Variants in SLC35B3 observed in about 807,000 individuals in gnomAD.
SLC35B3 encodes solute carrier family 35 member B3.
Under a neutral mutation model 44.1 loss-of-function variants are expected in SLC35B3, and 35 were observed. The ratio of observed to expected loss-of-function variants is 0.79; its 90% confidence interval spans 0.61 to 1.05. The LOEUF is 1.05. Among genes scored for constraint, SLC35B3 ranks in the 50% least tolerant of loss-of-function variants. SLC35B3 has a pLI of 0.00. For missense variants in SLC35B3, 414 were observed against 476.4 expected (o/e 0.87, Z 1.22); for synonymous variants, 146 against 167.3 (o/e 0.87, Z 0.98).
chr6:8,427,850 A>T, intron 4 of SLC35B3, 87 bp downstream of exon 3: 1 of 1,178,324 alleles, frequency 8.5e-7, no homozygotes, highest in East Asian at 2.4e-5. Context: ...TGTTTTGTTA[A>T]TAGAAGTATA....
chr6:8,420,862 G>A lies in SLC35B3; in HGVS notation c.575-34C>T. On this transcript the variant is annotated intron_variant, in intron 5 of 10. Coordinates refer to ENST00000644923, the MANE Select transcript of SLC35B3 (RefSeq NM_001370476.2). The surrounding 1 kb of genome is among the most constrained non-coding windows in gnomAD (Gnocchi z 4.4). ...AACAAACGTAAGTCCACTTCATTATGCAAATACCCACCCAGCTTTATATTT... is the reference window on the plus strand; with the variant it reads ...AACAAACGTAAGTCCACTTCATTATACAAATACCCACCCAGCTTTATATTT... The A allele has an allele frequency of 1.3e-6, 2 of 1,488,222 alleles. No homozygotes were observed. The highest frequency in any genetic ancestry group is 1.2e-5 in the South Asian group (1 of 83,748). 92.2% of individuals were successfully genotyped at this position (1,488,222 alleles called of 1,614,324 possible).
In SLC35B3 at chr6:8,419,821, C is replaced by A. The variant is rs1187046334; in HGVS notation, c.683-144G>T. ...CATTTGTTCGGTAATCCAGAATATTCTTATTCACAATCGGTTGTAACAAGT... is the reference window on the plus strand; with the variant it reads ...CATTTGTTCGGTAATCCAGAATATTATTATTCACAATCGGTTGTAACAAGT... On this transcript the variant is annotated intron_variant, in intron 6 of 10. Coordinates refer to ENST00000644923, the MANE Select transcript of SLC35B3 (RefSeq NM_001370476.2). The surrounding 1 kb of genome is among the most constrained non-coding windows in gnomAD (Gnocchi z 4.3). The A allele has an allele frequency of 1.9e-5, 9 of 485,590 alleles. No individual in the cohort carries two copies. The highest frequency in any genetic ancestry group is 3.0e-5 in the Non-Finnish European group (8 of 264,858). The allele number at this position is 485,590 out of a possible 1,614,324, so 30.1% of individuals were successfully genotyped here. A position where few individuals can be genotyped will look rare whatever the true frequency, so the allele number is the denominator to read the frequency against.
chr6:8,435,371 T>C lies in SLC35B3; in HGVS notation c.-72A>G, dbSNP rs1395824403. On this transcript the variant is annotated 5_prime_UTR_variant, in exon 1 of 11. Coordinates refer to ENST00000644923, the MANE Select transcript of SLC35B3 (RefSeq NM_001370476.2). The surrounding 1 kb of genome is among the most constrained non-coding windows in gnomAD (Gnocchi z 5.5). ...AAGGCCGGTATGTCACCCGGAAGGG[T>C]GACGGCAGCCTGCGTGGCGTCTGAG... is the stretch of plus-strand genomic sequence containing the variant. 1 of 1,288,738 alleles carries C rather than the reference T, an allele frequency of 7.8e-7. No homozygotes were observed. The highest frequency in any genetic ancestry group is 1.5e-5 in the African/African-American group (1 of 65,796). The allele number at this position is 1,288,738 out of a possible 1,614,324, so 79.8% of individuals were successfully genotyped here. A position where few individuals can be genotyped will look rare whatever the true frequency, so the allele number is the denominator to read the frequency against.
chr6:8,429,332 A>G (rs1205966778), intron 3 of SLC35B3, among the ~76,000 whole-genome samples: 1 of 152,204 alleles, frequency 6.6e-6, no homozygotes. Context: ...GTTTTGTGCC[A>G]GCAAAAAATC....
chr6:8,429,736 TA>T, intron 3 of SLC35B3, 127 bp downstream of exon 2: 1 of 665,252 alleles, frequency 1.5e-6, no homozygotes, highest in Non-Finnish European at 2.5e-6. Context: ...TACTCTATAC[TA>T]AAAAATTCAA....
chr6:8,425,631 T>C (rs1763340416), intron 4 of SLC35B3, among the ~76,000 whole-genome samples: 1 of 152,110 alleles, frequency 6.6e-6, no homozygotes, highest in Non-Finnish European at 1.5e-5. Flanking sequence ...TAGATTTAAA[T>C]ATGTAAAACT....
chr6:8,429,849 A>G lies in SLC35B3; in HGVS notation c.297+15T>C. ...TATAAATAATTAACATATTACAAAC[A>G]TATAACTTTTTTACCTGTAAATACC... On this transcript the variant is annotated intron_variant, in intron 3 of 10. Transcript: ENST00000644923. The G allele has an allele frequency of 6.6e-7, 1 of 1,504,144 alleles. No individual in the cohort carries two copies. The highest frequency in any genetic ancestry group is 9.0e-7 in the Non-Finnish European group (1 of 1,108,596). 93.2% of individuals were successfully genotyped at this position (1,504,144 alleles called of 1,614,324 possible). A position where few individuals can be genotyped will look rare whatever the true frequency, so the allele number is the denominator to read the frequency against.
chr6:8,433,066 CT>C lies in SLC35B3; in HGVS notation c.3+1318del, dbSNP rs1474085658. 6.6e-6 allele frequency among the ~76,000 whole-genome samples: 1 copy of C among 152,166 alleles called. No individual in the cohort carries two copies. Among genetic ancestry groups the C allele is most frequent in the Non-Finnish European group, 1.5e-5 (1 of 68,022 alleles). On this transcript the variant is annotated intron_variant, in intron 2 of 10. Coordinates refer to ENST00000644923, the MANE Select transcript of SLC35B3 (RefSeq NM_001370476.2). This position sits in a 1 kb window ranked among gnomAD's most constrained non-coding sequence, Gnocchi z 4.1. Reference sequence around the variant, plus strand: ...AAAATCTGGGAGTCATCTTAAGAATCTTTCCTTTTCCTCACATTCTATATTT... The same window carrying C: ...AAAATCTGGGAGTCATCTTAAGAATCTTCCTTTTCCTCACATTCTATATTT...
intron 4 of SLC35B3, among the ~76,000 whole-genome samples, chr6:8,425,694 GCA>G (rs1295642911): frequency 6.6e-6 from 1 of 151,918 alleles, no homozygotes; most frequent in Non-Finnish European, 1.5e-5. Flanking sequence ...AAAAAAAGCT[GCA>G]CAATTTTTGA....
intron 4 of SLC35B3, among the ~76,000 whole-genome samples, chr6:8,427,197 TC>T (rs1414928000): frequency 2.6e-5 from 4 of 152,238 alleles, no homozygotes; most frequent in Admixed American, 6.5e-5. Context: ...GAGGAGAAAT[TC>T]AAGCTGGGTG....
chr6:8,413,698 A>G lies in SLC35B3; in HGVS notation c.1057T>C (p.Tyr353His), dbSNP rs770986778. Residue 353 changes from tyrosine (Y) to histidine (H), a missense_variant and splice_region_variant, in exon 11 of 11, where the codon TAT becomes CAT. Tyr to His is a moderately conservative substitution (Grantham distance 83). Transcript: ENST00000644923. ...ACAACTAACAAACCAGACCATACAT[A>G]CCTAAGAGAAAGAAATAAGGAAAAA... 3 of 1,504,724 alleles carry G rather than the reference A, an allele frequency of 2.0e-6. No homozygotes were observed. In the Admixed American group the frequency reaches 6.4e-5, roughly 32 times the overall value. The allele number at this position is 1,504,724 out of a possible 1,614,324, so 93.2% of individuals were successfully genotyped here.
intron 4 of SLC35B3, among the ~76,000 whole-genome samples, chr6:8,427,454 A>G (rs1052290625): frequency 1.4e-4 from 22 of 152,230 alleles, no homozygotes; most frequent in African/African-American, 5.3e-4. Context: ...TTTGTGCACA[A>G]AACAAAATTT....
intron 7 of SLC35B3, among the ~76,000 whole-genome samples, chr6:8,418,518 A>T (rs748678407): frequency 1.9e-4 from 28 of 151,118 alleles, no homozygotes; most frequent in Non-Finnish European, 3.4e-4. Flanking sequence ...TCCTATATAA[A>T]AACCAGTTAC....
At chr6:8,415,032 G>C in intron 9 of SLC35B3, 55 bp from the exon 9 acceptor site, 4 of 1,189,976 alleles carry the variant, frequency 3.4e-6, no homozygotes, top group Non-Finnish European at 4.9e-6. Flanking sequence ...CAATATTTTA[G>C]AAATCACTTA....
intron 4 of SLC35B3, among the ~76,000 whole-genome samples, chr6:8,427,063 A>G (rs1415527555): frequency 6.7e-6 from 1 of 149,340 alleles, no homozygotes; most frequent in African/African-American, 2.4e-5. Flanking sequence ...ATTTCTAAGC[A>G]GCAAAGCCTT....
chr6:8,424,187 G>A (rs62395731), intron 4 of SLC35B3, among the ~76,000 whole-genome samples: 21,438 of 152,206 alleles, frequency 0.14, 1,663 homozygotes, highest in African/African-American at 0.17. Context: ...TGATCAGCTT[G>A]CCTCCAGGAT....
At position 8,412,803 on chromosome 6, in the gene SLC35B3, C is replaced by T. The variant is rs116032178; in HGVS notation, c.*746G>A. 7.5e-3 allele frequency among the ~76,000 whole-genome samples: 1,146 copies of T among 152,180 alleles called. 8 individuals are homozygous for T. Among genetic ancestry groups the T allele is most frequent in the Non-Finnish European group, 0.013 (871 of 67,998 alleles). ...CATATGCGGTTCATAACAGGGTTCC[C>T]GCTGCTATGAGAATCTAACGCTGCT... On this transcript the variant is annotated 3_prime_UTR_variant, in exon 11 of 11. Transcript: ENST00000644923.
Position 8,433,842 on chromosome 6 carries a change from G to C in SLC35B3, c.3+543C>G, listed in dbSNP as rs1764220269. Among the ~76,000 whole-genome samples the C allele has an allele frequency of 6.6e-6, 1 of 151,668 alleles. No individual in the cohort carries two copies. The highest frequency in any genetic ancestry group is 1.5e-5 in the Non-Finnish European group (1 of 67,954). On this transcript the variant is annotated intron_variant, in intron 2 of 10. Transcript: ENST00000644923. The surrounding 1 kb of genome is among the most constrained non-coding windows in gnomAD (Gnocchi z 4.1). ...TGATACCTAATAACTGTGATCATTG[G>C]GGAATGTCTGCCATATCCCTTCCAC...
Position 8,434,285 on chromosome 6 carries a change from T to C in SLC35B3, c.3+100A>G, listed in dbSNP as rs916505054. ...ACAAAAGTCCCACACCAAAAAAAGG[T>C]AGAATATGAAAAAAAAGTCATTACG... is the stretch of plus-strand genomic sequence containing the variant. On this transcript the variant is annotated intron_variant, in intron 2 of 10. Transcript: ENST00000644923. This position sits in a 1 kb window ranked among gnomAD's most constrained non-coding sequence, Gnocchi z 6.3. 3.5e-6 allele frequency: 4 copies of C among 1,130,492 alleles called. No individual in the cohort carries two copies. Among genetic ancestry groups the C allele is most frequent in the African/African-American group, 1.6e-5 (1 of 63,838 alleles). 70.0% of individuals were successfully genotyped at this position (1,130,492 alleles called of 1,614,324 possible). A position where few individuals can be genotyped will look rare whatever the true frequency, so the allele number is the denominator to read the frequency against.
Sources: allele counts gnomAD v4.1 joint callset (sites outside exome capture counted in the v4.1 genomes callset), GRCh38; gene constraint gnomAD v4.1.1; non-coding constraint Gnocchi (gnomAD v3.1); transcripts MANE v1.5; gene names NCBI Gene and HGNC (gene_info 2026-07-23, HGNC 2026-07-21).